LACC1: variants seen among roughly 807,000 people sequenced by gnomAD.
LACC1 encodes the protein laccase domain multifunctional purine nucleosidase 1.
A neutral mutation model predicts 34.8 loss-of-function variants in LACC1; 25 were observed. The observed-to-expected ratio is 0.72, with a 90% CI of 0.52 to 1.00. LACC1 has a LOEUF of 1.00. Among genes scored for constraint, LACC1 ranks in the 50% least tolerant of loss-of-function variants. LACC1 has a pLI of 0.00. For missense variants in LACC1, 426 were observed against 511.2 expected, an observed-to-expected ratio of 0.83 and a Z score of 1.61; for synonymous variants, 162 against 168.0, an observed-to-expected ratio of 0.96 and a Z score of 0.28.
At chr13:43,885,618 A>G (rs556413290) in intron 4 of LACC1, among the ~76,000 whole-genome samples, 2 of 152,362 alleles carry the variant, frequency 1.3e-5, no homozygotes, top group African/African-American at 2.4e-5. Context: ...AACATGGGTT[A>G]AAGACTTAAA....
In LACC1 at chr13:43,882,327, T is replaced by A. The variant is rs1955108711; in HGVS notation, c.705T>A (p.Ala235=). 6.2e-7 allele frequency: 1 copy of A among 1,612,904 alleles called. No individual in the cohort carries two copies. Among genetic ancestry groups the A allele is most frequent in the Admixed American group, 1.7e-5 (1 of 59,758 alleles). The change falls in exon 3 of 7, where the codon GCT becomes GCA. Residue 235 remains alanine, a synonymous_variant. Coordinates refer to ENST00000325686, the MANE Select transcript of LACC1 (RefSeq NM_153218.4). ...AAAATCTGCGTAGGTTGGCGAATGC[T>A]GCAGGATTTAATGTGGAGAAATTTT... ...VQENLRRLAN[A]AGFNVEKFYR... is the part of the protein sequence containing the mutation.
rs758216941 is a variant in LACC1, at chr13:43,883,824, T to C, written c.795T>C (p.Tyr265=). ...WIMGRKEPDS[Y]DGITTNQRGV... ...TGGGAAGAAAGGAGCCTGACTCTTA[T>C]GATGGAATAACCACAAATCAGAGAG... Residue 265 remains tyrosine (Y), a synonymous_variant, in exon 4 of 7, where the codon TAT becomes TAC. Transcript: ENST00000325686. The C allele has an allele frequency of 2.4e-5, 39 of 1,613,684 alleles. No individual in the cohort carries two copies. Among genetic ancestry groups the C allele is most frequent in the Non-Finnish European group, 3.0e-5 (35 of 1,179,766 alleles).
upstream of LACC1, chr13:43,879,775 A>AGGTGGGCGAGGTGGGCGG (rs1954850960): frequency 1.3e-5 from 1 of 77,094 alleles, no homozygotes; most frequent in Non-Finnish European, 2.6e-5. Flanking sequence ...GAGGGGGGCG[A>AGGTGGGCGAGGTGGGCGG]GGTGAGGCGG....
chr13:43,890,186 A>C lies in LACC1; in HGVS notation c.1206A>C (p.Thr402=). Residue 402 remains threonine (T), a synonymous_variant, in exon 6 of 7, where the codon ACA becomes ACC. Coordinates refer to ENST00000325686, the MANE Select transcript of LACC1 (RefSeq NM_153218.4). ...AGAACCAAGATCTCAACCTCTGTAC[A>C]TCTTGCCATCCTGACAAGTTTTTCT... ...QDQNQDLNLC[T]SCHPDKFFSH... is the part of the protein sequence containing the mutation. 6.2e-7 allele frequency: 1 copy of C among 1,613,816 alleles called. No individual in the cohort carries two copies. Among genetic ancestry groups the C allele is most frequent in the Non-Finnish European group, 8.5e-7 (1 of 1,179,780 alleles).
At chr13:43,891,006 T>TC (rs1955547204) in intron 6 of LACC1, among the ~76,000 whole-genome samples, 1 of 152,200 alleles carries the variant, frequency 6.6e-6, no homozygotes, top group African/African-American at 2.4e-5. Flanking sequence ...GCTCCTGTAG[T>TC]CCCAGCTCCT....
At chr13:43,885,957 G>A (rs925104078) in intron 4 of LACC1, among the ~76,000 whole-genome samples, 1 of 151,474 alleles carries the variant, frequency 6.6e-6, no homozygotes, top group African/African-American at 2.4e-5. Context: ...ATGAACAAAC[G>A]CTTCTCAAAA....
Position 43,882,218 on chromosome 13 carries a change from G to T in LACC1, c.596G>T (p.Gly199Val), listed in dbSNP as rs1955103001. 1 of 1,608,714 alleles carries T rather than the reference G, an allele frequency of 6.2e-7. No homozygotes were observed. The highest frequency in any genetic ancestry group is 1.1e-5 in the South Asian group (1 of 89,766). The change falls in exon 3 of 7, where the codon GGT (glycine) becomes GTT (valine). Residue 199 changes from glycine to valine, a missense_variant. Gly to Val is a moderately radical substitution (Grantham distance 109). Transcript: ENST00000325686. The part of the protein sequence containing the change: ...IFIHGFTTRT[G>V]GISYIPTLSS... The stretch of plus-strand genomic sequence containing the variant: ...ATACATGGATTTACTACAAGAACAG[G>T]TGGGATATCTTATATACCAACTCTT...
At chr13:43,882,559 G>A (rs994160105) in intron 3 of LACC1, among the ~76,000 whole-genome samples, 196 bp downstream of exon 3, 11 of 49,050 alleles carry the variant, frequency 2.2e-4, no homozygotes, top group Non-Finnish European at 4.3e-4. Context: ...ACACACACAC[G>A]TGCAGATATA....
chr13:43,881,220 G>T lies in LACC1; in HGVS notation c.235G>T (p.Val79Phe), dbSNP rs765113802. ...AGCTCTCTTGGAAGAATTTGAGATT[G>T]TTAGCTGTCCCAGCATGGCTGCCAC... is the stretch of plus-strand genomic sequence containing the variant. The part of the protein sequence containing the change: ...LSALLEEFEI[V>F]SCPSMAATLY... Residue 79 changes from valine (V) to phenylalanine (F), a missense_variant, in exon 2 of 7, where the codon GTT becomes TTT. Coordinates refer to ENST00000325686, the MANE Select transcript of LACC1 (RefSeq NM_153218.4). The T allele has an allele frequency of 6.2e-7, 1 of 1,614,154 alleles. No individual in the cohort carries two copies. The highest frequency in any genetic ancestry group is 1.1e-5 in the South Asian group (1 of 91,082).
rs184776579 is a variant in LACC1 at position 43,893,916 on chromosome 13, T to G, written c.*2469T>G. 1 of 152,208 alleles carries G rather than the reference T, an allele frequency of 6.6e-6. No homozygotes were observed. The highest frequency in any genetic ancestry group is 1.9e-4 in the East Asian group (1 of 5,316). 9.4% of individuals were successfully genotyped at this position (152,208 alleles called of 1,614,324 possible). The stretch of plus-strand genomic sequence containing the variant: ...ACAACATTCTACAACCAAATAAAAA[T>G]TATTTTGATTATCTGATTTTGGATT... On this transcript the variant is annotated 3_prime_UTR_variant, in exon 7 of 7. Coordinates refer to ENST00000325686, the MANE Select transcript of LACC1 (RefSeq NM_153218.4).
chr13:43,890,358 C>A, intron 6 of LACC1, 84 bp downstream of exon 6: 1 of 1,150,204 alleles, frequency 8.7e-7, no homozygotes, highest in East Asian at 2.6e-5. Context: ...CTTTCTTCCT[C>A]TTTTAGCCTA....
At chr13:43,880,257 G>A (rs1416880016) in intron 1 of LACC1, 138 bp downstream of exon 1, 1 of 152,402 alleles carries the variant, frequency 6.6e-6, no homozygotes, top group African/African-American at 2.4e-5. Context: ...GCAAAGGTTA[G>A]GGGAAGCGGC....
In LACC1 at chr13:43,890,212, C is replaced by G. The variant is rs143196904; in HGVS notation, c.1232C>G (p.Ser411Cys). 1 of 1,613,734 alleles carries G rather than the reference C, an allele frequency of 6.2e-7. No individual in the cohort carries two copies. Among genetic ancestry groups the G allele is most frequent in the Non-Finnish European group, 8.5e-7 (1 of 1,179,784 alleles). Residue 411 changes from serine to cysteine, a missense_variant, in exon 6 of 7, where the codon TCC (serine) becomes TGC (cysteine). Physicochemically the swap from Ser to Cys is moderately radical, Grantham distance 112. This residue lies in a region of LACC1 where 209 missense variants were observed against 300.3 expected (regional missense o/e 0.70). Transcript: ENST00000325686. ...TCTTGCCATCCTGACAAGTTTTTCTCCCATGTCCGAGATGGCCTTAATTTT... is the reference window on the plus strand; with the variant it reads ...TCTTGCCATCCTGACAAGTTTTTCTGCCATGTCCGAGATGGCCTTAATTTT... ...CTSCHPDKFFSHVRDGLNFGT... is the reference protein window; with the variant it reads ...CTSCHPDKFFCHVRDGLNFGT...
intron 3 of LACC1, among the ~76,000 whole-genome samples, chr13:43,883,328 A>C (rs574607497): frequency 3.9e-5 from 6 of 152,228 alleles, no homozygotes; most frequent in Non-Finnish European, 7.3e-5. Flanking sequence ...CTACTCCAGG[A>C]GGAACTAGGG....
Position 43,883,764 on chromosome 13 carries a change from G to A in LACC1, c.742-7G>A. The stretch of plus-strand genomic sequence containing the variant: ...AAAACATTTTTGTTGCACATTTTTG[G>A]TATTAGACTCATCATTCCAATGACA... On this transcript the variant is annotated splice_polypyrimidine_tract_variant and splice_region_variant and intron_variant, in intron 3 of 6. Coordinates refer to ENST00000325686, the MANE Select transcript of LACC1 (RefSeq NM_153218.4). 6.2e-7 allele frequency: 1 copy of A among 1,603,258 alleles called. No individual in the cohort carries two copies. Among genetic ancestry groups the A allele is most frequent in the Non-Finnish European group, 8.5e-7 (1 of 1,174,086 alleles).
intron 6 of LACC1, 120 bp downstream of exon 6, chr13:43,890,394 AGTT>A: frequency 1.3e-6 from 1 of 782,668 alleles, no homozygotes; most frequent in Non-Finnish European, 1.9e-6. Flanking sequence ...AAAAAAAAAA[AGTT>A]AATTATGTTA....
chr13:43,880,043 C>T lies in LACC1; in HGVS notation c.-111C>T, dbSNP rs1236988274. ...GTGTGCGTTGTCCGACAGGAAGTCC[C>T]GAATGGGCTGTGAGCCGCCGGTGGA... On this transcript the variant is annotated 5_prime_UTR_variant, in exon 1 of 7. Transcript: ENST00000325686. 6.6e-6 allele frequency: 1 copy of T among 152,364 alleles called. No homozygotes were observed. The highest frequency in any genetic ancestry group is 6.5e-5 in the Admixed American group (1 of 15,272). The allele number at this position is 152,364 out of a possible 1,614,324, so 9.4% of individuals were successfully genotyped here. A position where few individuals can be genotyped will look rare whatever the true frequency, so the allele number is the denominator to read the frequency against.
intron 3 of LACC1, among the ~76,000 whole-genome samples, chr13:43,883,334 T>G (rs1371417173): frequency 6.6e-6 from 1 of 152,214 alleles, no homozygotes; most frequent in African/African-American, 2.4e-5. Context: ...CAGGAGGAAC[T>G]AGGGTCATAG....
At chr13:43,879,515 C>T (rs1222257457), upstream of LACC1, 1 of 152,380 alleles carries the variant, frequency 6.6e-6, no homozygotes, top group African/African-American at 2.4e-5. Flanking sequence ...ACCGCCCAGA[C>T]CCGGAACTGC....
Sources: allele counts gnomAD v4.1 joint callset (sites outside exome capture counted in the v4.1 genomes callset), GRCh38; gene constraint gnomAD v4.1.1; regional missense constraint gnomAD v4.1.1; transcripts MANE v1.5; gene names NCBI Gene and HGNC (gene_info 2026-07-23, HGNC 2026-07-21).